Variants in CDIN1 observed in about 807,000 individuals in gnomAD.
CDIN1 encodes CDAN1 interacting nuclease 1.
Under a neutral mutation model 45.3 loss-of-function variants are expected in CDIN1, and 33 were observed. The observed-to-expected ratio is 0.73, with a 90% CI of 0.55 to 0.97. The LOEUF (loss-of-function observed/expected upper bound fraction) is 0.97. Among genes scored for constraint, CDIN1 ranks in the 50% least tolerant of loss-of-function variants. The probability of loss-of-function intolerance (pLI) is 0.00; values close to 1 mark genes in which losing one functional copy is unlikely to be tolerated. For missense variants in CDIN1, 303 were observed against 339.4 expected, an observed-to-expected ratio of 0.89 and a Z score of 0.84; for synonymous variants, 118 against 124.4, an observed-to-expected ratio of 0.95 and a Z score of 0.34.
At chr15:36,598,529 T>C (rs1456999879) in intron 1 of CDIN1, among the ~76,000 whole-genome samples, 1 of 152,164 alleles carries the variant, frequency 6.6e-6, no homozygotes, top group Non-Finnish European at 1.5e-5. Flanking sequence ...CTCCCATTGC[T>C]GATCTTTTTA....
chr15:36,765,107 G>A (rs2053884936), intron 10 of CDIN1, among the ~76,000 whole-genome samples: 1 of 144,342 alleles, frequency 6.9e-6, no homozygotes, highest in Admixed American at 7.2e-5. Flanking sequence ...TCAGGCTAGA[G>A]TGCAGTGGTG....
rs2055298981 is a variant in CDIN1 at position 36,808,373 on chromosome 15, G to A, written c.766G>A (p.Asp256Asn). ...IYWYGFIQEL[D>N]CNRERGILLK... ...TTGGTATGGATTTATCCAGGAGCTG[G>A]ACTGCAACCGGGAAAGGGGCATCCT... is the stretch of plus-strand genomic sequence containing the variant. The change falls in exon 11 of 11, where the codon GAC becomes AAC. Residue 256 changes from aspartate to asparagine, a missense_variant. Coordinates refer to ENST00000566621, the MANE Select transcript of CDIN1 (RefSeq NM_001321759.2). The A allele has an allele frequency of 6.2e-7, 1 of 1,613,488 alleles. No homozygotes were observed. Among genetic ancestry groups the A allele is most frequent in the African/African-American group, 1.3e-5 (1 of 74,898 alleles).
At chr15:36,703,349 TACATATATCAGATAGATCTATC>T (rs2042727548) in intron 8 of CDIN1, among the ~76,000 whole-genome samples, 2 of 91,252 alleles carry the variant, frequency 2.2e-5, no homozygotes, top group Admixed American at 1.1e-4. Flanking sequence ...ATCAGATATA[TACATATATCAGATAGATCTATC>T]ATATATATAT....
chr15:36,769,948 T>C (rs2054025458), intron 10 of CDIN1, among the ~76,000 whole-genome samples: 1 of 152,202 alleles, frequency 6.6e-6, no homozygotes, highest in Non-Finnish European at 1.5e-5. Context: ...TGGGCCCTTA[T>C]GAAATGAACC....
intron 7 of CDIN1, among the ~76,000 whole-genome samples, chr15:36,696,685 C>T (rs977751138): frequency 2.0e-5 from 3 of 152,184 alleles, no homozygotes; most frequent in Non-Finnish European, 4.4e-5. Flanking sequence ...GGGTTATAGG[C>T]GCAAGCCACC....
intron 1 of CDIN1, chr15:36,613,397 A>C: frequency 1.8e-6 from 2 of 1,082,916 alleles, no homozygotes; most frequent in Middle Eastern, 5.7e-4. Context: ...TTAAGAACTC[A>C]GTTTTGGAGA....
chr15:36,622,029 A>G (rs1261309925), intron 1 of CDIN1, among the ~76,000 whole-genome samples: 1 of 152,218 alleles, frequency 6.6e-6, no homozygotes, highest in Non-Finnish European at 1.5e-5. Context: ...ATTTGACACA[A>G]TTCATTGAAA....
At chr15:36,676,729 C>G (rs937759573) in intron 5 of CDIN1, among the ~76,000 whole-genome samples, 3 of 152,078 alleles carry the variant, frequency 2.0e-5, no homozygotes, top group African/African-American at 4.8e-5. Flanking sequence ...TGTATCTCAC[C>G]TCTCATGTTG....
chr15:36,643,892 A>G (rs759088380), intron 1 of CDIN1, among the ~76,000 whole-genome samples: 5 of 152,256 alleles, frequency 3.3e-5, no homozygotes, highest in Non-Finnish European at 4.4e-5. Context: ...AACATTCTCA[A>G]TGAATGAAGT....
rs2602926 is a variant in CDIN1 at position 36,612,457 on chromosome 15, G to A, written c.102-31821G>A. Among the ~76,000 whole-genome samples the A allele has an allele frequency of 2.8e-3, 433 of 152,202 alleles. 1 individual carries two copies. The highest frequency in any genetic ancestry group is 9.8e-3 in the African/African-American group (405 of 41,532). On this transcript the variant is annotated intron_variant, in intron 1 of 10. Transcript: ENST00000566621. ...TTTGGGATTGTATTTTCTATCCCTC[G>A]TAAGCGAACCTCACCCCATCTATTA...
chr15:36,759,349 C>T (rs752948350), intron 10 of CDIN1, among the ~76,000 whole-genome samples: 25 of 152,242 alleles, frequency 1.6e-4, no homozygotes, highest in South Asian at 1.2e-3. Context: ...CAGGAATTCT[C>T]CATTTTGAAT....
intron 10 of CDIN1, chr15:36,746,943 T>A: frequency 2.5e-6 from 1 of 398,190 alleles, no homozygotes; most frequent in East Asian, 3.6e-5. Flanking sequence ...AGAGATGGGA[T>A]CTCACAATGT....
chr15:36,745,129 G>A (rs765893256), intron 10 of CDIN1, among the ~76,000 whole-genome samples: 3 of 152,134 alleles, frequency 2.0e-5, no homozygotes, highest in South Asian at 2.1e-4. Flanking sequence ...GTTTCTGATA[G>A]ATTATAATAA....
chr15:36,616,375 C>T (rs560517765), intron 1 of CDIN1, among the ~76,000 whole-genome samples: 31 of 151,988 alleles, frequency 2.0e-4, no homozygotes, highest in South Asian at 1.3e-3. Flanking sequence ...CCCCACCTCC[C>T]GGGTTCAAGC....
chr15:36,630,932 T>A (rs1426245617), intron 1 of CDIN1, among the ~76,000 whole-genome samples: 1 of 152,170 alleles, frequency 6.6e-6, no homozygotes, highest in Non-Finnish European at 1.5e-5. Flanking sequence ...CCCAGCCACT[T>A]ATGAGGGATC....
At chr15:36,727,616 A>G (rs1157307886) in intron 10 of CDIN1, among the ~76,000 whole-genome samples, 4 of 152,200 alleles carry the variant, frequency 2.6e-5, no homozygotes, top group African/African-American at 7.2e-5. Context: ...TGAGTTATCT[A>G]TCTTTCTAAA....
At chr15:36,764,744 C>T (rs2053866003) in intron 10 of CDIN1, among the ~76,000 whole-genome samples, 2 of 152,090 alleles carry the variant, frequency 1.3e-5, no homozygotes, top group African/African-American at 4.8e-5. Context: ...ATAAAAACTC[C>T]AGCTCCCCTT....
chr15:36,716,329 C>G (rs113882750), intron 10 of CDIN1, among the ~76,000 whole-genome samples: 2 of 152,160 alleles, frequency 1.3e-5, no homozygotes, highest in African/African-American at 2.4e-5. Flanking sequence ...AACCAACAAG[C>G]AAAGGATTGA....
intron 10 of CDIN1, among the ~76,000 whole-genome samples, chr15:36,735,204 A>G (rs1566938941): frequency 1.3e-5 from 2 of 152,206 alleles, no homozygotes; most frequent in Non-Finnish European, 2.9e-5. Flanking sequence ...TTTACAATAT[A>G]CATATGCATT....
Sources: gnomAD v4.1 joint callset for allele counts (sites outside exome capture counted in the v4.1 genomes callset) on GRCh38, gnomAD v4.1.1 for gene constraint, MANE v1.5 for transcripts, NCBI Gene and HGNC (gene_info 2026-07-23, HGNC 2026-07-21) for gene names.